The following POLN variants were observed in gnomAD, a reference collection of about 807,000 sequenced individuals.
POLN encodes DNA polymerase N.
Under a neutral mutation model 113.5 loss-of-function variants are expected in POLN, and 108 were observed. That is an observed-to-expected ratio of 0.95 (90% CI 0.81 to 1.12). POLN has a LOEUF of 1.12. Among genes scored for constraint, POLN ranks in the 50% most tolerant of loss-of-function variants. The pLI, the probability that POLN is intolerant of heterozygous loss-of-function variation, is 0.00. For synonymous variants in POLN, 386 were observed against 391.5 expected (o/e 0.99, Z 0.17); for missense variants, 1,097 against 1,077.1 (o/e 1.02, Z -0.26).
chr4:2,150,239 A>C (rs1317913438), intron 16 of POLN, among the ~76,000 whole-genome samples: 1 of 152,152 alleles, frequency 6.6e-6, no homozygotes, highest in East Asian at 1.9e-4. Context: ...TAACATTAAT[A>C]TTAAATTATA....
At chr4:2,170,927 T>C (rs974841831) in intron 12 of POLN, among the ~76,000 whole-genome samples, 153 bp from the exon 13 acceptor site, 3 of 152,186 alleles carry the variant, frequency 2.0e-5, no homozygotes, top group Non-Finnish European at 2.9e-5. Context: ...TTTCTACAAG[T>C]TAAAGGCTTT....
intron 21 of POLN, among the ~76,000 whole-genome samples, chr4:2,082,425 G>T (rs550405920): frequency 6.6e-6 from 1 of 152,308 alleles, no homozygotes; most frequent in African/African-American, 2.4e-5. Flanking sequence ...CTCAAGGAGG[G>T]GGATGTCTCA....
chr4:2,084,659 TCAA>T (rs1200362297), intron 21 of POLN, among the ~76,000 whole-genome samples: 2 of 152,188 alleles, frequency 1.3e-5, no homozygotes, highest in Admixed American at 1.3e-4. Context: ...TGAAAAGTCA[TCAA>T]CGAGTCACTG....
intron 20 of POLN, chr4:2,090,062 A>G: frequency 1.1e-6 from 1 of 904,316 alleles, no homozygotes; most frequent in Admixed American, 2.2e-5. Flanking sequence ...GATAATCCAT[A>G]TTTTCCTACT....
intron 2 of POLN, chr4:2,231,405 C>G (rs1423223642): frequency 6.5e-6 from 1 of 152,684 alleles, no homozygotes; most frequent in African/African-American, 2.4e-5. Context: ...TGAGACCATC[C>G]TGGCCAACAT....
intron 8 of POLN, chr4:2,177,362 C>T (rs1002276878): frequency 9.3e-6 from 4 of 429,418 alleles, no homozygotes; most frequent in African/African-American, 2.1e-5. Context: ...TACCATATCC[C>T]TGCTGCTCCC....
intron 19 of POLN, among the ~76,000 whole-genome samples, chr4:2,121,634 T>C (rs983638599): frequency 1.3e-5 from 2 of 152,062 alleles, no homozygotes; most frequent in Non-Finnish European, 2.9e-5. Context: ...AATTGTTGAA[T>C]TGTTATAGTA....
chr4:2,111,016 G>C (rs1188242640), intron 19 of POLN, among the ~76,000 whole-genome samples: 1 of 152,128 alleles, frequency 6.6e-6, no homozygotes. Flanking sequence ...ACCGAATCCA[G>C]CAACACATCA....
intron 23 of POLN, chr4:2,080,568 G>T: frequency 8.4e-7 from 1 of 1,192,580 alleles, no homozygotes; most frequent in Non-Finnish European, 1.1e-6. Context: ...CACACTGCCT[G>T]GCATTGGTGG....
chr4:2,075,899 C>T (rs796400747), intron 23 of POLN, among the ~76,000 whole-genome samples: 9 of 152,156 alleles, frequency 5.9e-5, no homozygotes, highest in Non-Finnish European at 1.3e-4. Flanking sequence ...AGGTTGGTCC[C>T]GTCTGAAGTC....
At chr4:2,116,085 C>A (rs552891056) in intron 19 of POLN, among the ~76,000 whole-genome samples, 1 of 152,274 alleles carries the variant, frequency 6.6e-6, no homozygotes, top group East Asian at 1.9e-4. Context: ...CTGCCTTATT[C>A]CAGCTCTTTG....
chr4:2,080,376 C>A (rs894440464), intron 23 of POLN: 10 of 1,013,022 alleles, frequency 9.9e-6, no homozygotes, highest in Middle Eastern at 5.0e-4. Flanking sequence ...AGCCCCCCCC[C>A]ACCAAGGCAC....
At chr4:2,095,973 G>A (rs771969726) in intron 19 of POLN, 40 bp from the exon 20 acceptor site, 2 of 1,568,922 alleles carry the variant, frequency 1.3e-6, no homozygotes, top group Non-Finnish European at 8.8e-7. Flanking sequence ...GGCACAGAAG[G>A]CACTGTCAGT....
intron 4 of POLN, among the ~76,000 whole-genome samples, chr4:2,209,397 TGAACCTG>T (rs1733934580): frequency 6.7e-6 from 1 of 150,366 alleles, no homozygotes; most frequent in Non-Finnish European, 1.5e-5. Context: ...GAGAATCGCT[TGAACCTG>T]GAAGGTGGAG....
At chr4:2,148,891 G>A (rs1392136062) in intron 16 of POLN, among the ~76,000 whole-genome samples, 1 of 152,138 alleles carries the variant, frequency 6.6e-6, no homozygotes, top group Non-Finnish European at 1.5e-5. Context: ...CAAACAATGT[G>A]AGAAGAAAGT....
intron 16 of POLN, 77 bp from the exon 17 acceptor site, chr4:2,131,367 C>T (rs771525598): frequency 2.4e-5 from 23 of 954,982 alleles, no homozygotes; most frequent in Non-Finnish European, 3.5e-5. Context: ...TAATGTACAT[C>T]ACATTTTATT....
At chr4:2,153,594 T>A (rs948543247) in intron 16 of POLN, among the ~76,000 whole-genome samples, 4 of 151,996 alleles carry the variant, frequency 2.6e-5, no homozygotes, top group Non-Finnish European at 4.4e-5. Flanking sequence ...TATAATTTTT[T>A]TTTTTTTGAG....
At chr4:2,224,688 T>C (rs1367581178) in intron 3 of POLN, among the ~76,000 whole-genome samples, 23 of 152,158 alleles carry the variant, frequency 1.5e-4, no homozygotes. Context: ...CGGTGGCTCA[T>C]GCCTGTAATC....
At chr4:2,155,201 T>C (rs896162574) in intron 16 of POLN, among the ~76,000 whole-genome samples, 6 of 152,104 alleles carry the variant, frequency 3.9e-5, no homozygotes, top group Non-Finnish European at 5.9e-5. Flanking sequence ...GTTGAGAAAT[T>C]AGCCCAAGGG....
Sources: allele counts gnomAD v4.1 joint callset (sites outside exome capture counted in the v4.1 genomes callset), GRCh38; gene constraint gnomAD v4.1.1; transcripts MANE v1.5; gene names NCBI Gene and HGNC (gene_info 2026-07-23, HGNC 2026-07-21).